Variants in ZDHHC2 observed in about 807,000 individuals in gnomAD.
The protein encoded by ZDHHC2 is palmitoyltransferase ZDHHC2.
A neutral mutation model predicts 55.6 loss-of-function variants in ZDHHC2; 51 were observed. The ratio of observed to expected loss-of-function variants is 0.92; its 90% confidence interval spans 0.73 to 1.16. The LOEUF (loss-of-function observed/expected upper bound fraction) is 1.16, where lower values mean the gene tolerates loss of function less well. Ranked by LOEUF, ZDHHC2 falls within the 50% of genes most tolerant of loss-of-function variation. The pLI, the probability that ZDHHC2 is intolerant of heterozygous loss-of-function variation, is 0.00. For synonymous variants in ZDHHC2, 199 were observed against 152.9 expected (o/e 1.30, Z -2.22); for missense variants, 491 against 442.4 (o/e 1.11, Z -0.99).
intron 1 of ZDHHC2, among the ~76,000 whole-genome samples, chr8:17,164,918 G>A (rs1343426227): frequency 6.6e-6 from 1 of 152,194 alleles, no homozygotes; most frequent in Non-Finnish European, 1.5e-5. Context: ...ATGGAGTAAG[G>A]TGACTTAAAA....
At chr8:17,172,520 G>A (rs537760518) in intron 1 of ZDHHC2, among the ~76,000 whole-genome samples, 1 of 152,124 alleles carries the variant, frequency 6.6e-6, no homozygotes, top group South Asian at 2.1e-4. Flanking sequence ...CTACATCCAC[G>A]TGCCTATACT....
intron 1 of ZDHHC2, among the ~76,000 whole-genome samples, chr8:17,174,845 G>A (rs921368564): frequency 2.6e-5 from 4 of 151,414 alleles, no homozygotes; most frequent in African/African-American, 7.3e-5. Flanking sequence ...TGACTAGCTG[G>A]CATCACAGGT....
At chr8:17,157,973 CATA>C (rs1265172930) in intron 1 of ZDHHC2, among the ~76,000 whole-genome samples, 5 of 152,206 alleles carry the variant, frequency 3.3e-5, no homozygotes, top group South Asian at 2.1e-4. Flanking sequence ...GAGAAAGTGT[CATA>C]ATAATACATC....
chr8:17,213,322 C>T (rs1052198530), intron 10 of ZDHHC2, among the ~76,000 whole-genome samples: 2 of 151,654 alleles, frequency 1.3e-5, no homozygotes, highest in South Asian at 2.1e-4. Context: ...GACGCAGTCT[C>T]GGCTCACTGC....
chr8:17,178,330 A>C (rs528784350), intron 1 of ZDHHC2, among the ~76,000 whole-genome samples: 2 of 152,320 alleles, frequency 1.3e-5, no homozygotes, highest in Admixed American at 1.3e-4. Flanking sequence ...GGTTGAATTT[A>C]AATCATTCTA....
intron 1 of ZDHHC2, among the ~76,000 whole-genome samples, chr8:17,176,372 T>C (rs775854308): frequency 6.6e-6 from 1 of 152,198 alleles, no homozygotes. Flanking sequence ...AAGCTACTTA[T>C]CTGTCCTTGA....
intron 3 of ZDHHC2, among the ~76,000 whole-genome samples, chr8:17,195,203 T>C (rs1179342357): frequency 6.6e-6 from 1 of 152,188 alleles, no homozygotes; most frequent in African/African-American, 2.4e-5. Flanking sequence ...AACTCATATT[T>C]TGTTGGAACT....
chr8:17,197,722 A>G (rs182638057), intron 5 of ZDHHC2, 71 bp downstream of exon 5: 3 of 1,454,838 alleles, frequency 2.1e-6, no homozygotes, highest in East Asian at 2.3e-5. Context: ...TTCTTTTCTC[A>G]CTGTTTTCCT....
At chr8:17,187,973 C>G (rs908492528) in intron 3 of ZDHHC2, among the ~76,000 whole-genome samples, 1 of 152,218 alleles carries the variant, frequency 6.6e-6, no homozygotes, top group Non-Finnish European at 1.5e-5. Context: ...TATCACTGCT[C>G]TAATTCTGGG....
chr8:17,191,927 A>G (rs1272597362), intron 3 of ZDHHC2, among the ~76,000 whole-genome samples: 4 of 152,266 alleles, frequency 2.6e-5, no homozygotes, highest in East Asian at 1.9e-4. Flanking sequence ...CACCAACAGT[A>G]TACAAGGGTT....
chr8:17,202,406 A>G (rs1435204266), intron 6 of ZDHHC2, among the ~76,000 whole-genome samples: 1 of 152,086 alleles, frequency 6.6e-6, no homozygotes, highest in Non-Finnish European at 1.5e-5. Flanking sequence ...TTTTTACTTC[A>G]AAGGCCACAC....
At position 17,218,680 on chromosome 8, in the gene ZDHHC2, C is replaced by T. The variant is rs76856681; in HGVS notation, c.*34+1434C>T. The stretch of plus-strand genomic sequence containing the variant: ...TGACAGAAACTTGATTTTATTAATT[C>T]AAATATGGCATGATTAGGCATAATC... On this transcript the variant is annotated intron_variant, in intron 12 of 12. Coordinates refer to ENST00000262096, the MANE Select transcript of ZDHHC2 (RefSeq NM_016353.5). Among the ~76,000 whole-genome samples the T allele has an allele frequency of 1.2e-4, 18 of 152,144 alleles. No individual in the cohort carries two copies. In the East Asian group the frequency reaches 2.9e-3, roughly 25 times the overall value.
chr8:17,173,901 T>A (rs1804991711), intron 1 of ZDHHC2, among the ~76,000 whole-genome samples: 1 of 152,004 alleles, frequency 6.6e-6, no homozygotes, highest in Admixed American at 6.6e-5. Context: ...TAAAACGAAG[T>A]CACCAGAGTA....
At chr8:17,215,857 G>T (rs1254917628) in intron 11 of ZDHHC2, among the ~76,000 whole-genome samples, 1 of 152,102 alleles carries the variant, frequency 6.6e-6, no homozygotes, top group African/African-American at 2.4e-5. Context: ...TCAATCTTTT[G>T]TTTTCTTCAG....
chr8:17,173,600 T>G (rs1472212756), intron 1 of ZDHHC2, among the ~76,000 whole-genome samples: 3 of 151,568 alleles, frequency 2.0e-5, no homozygotes, highest in Non-Finnish European at 4.4e-5. Flanking sequence ...GAAAGATTGA[T>G]TAAATCTGGG....
At chr8:17,198,842 A>T (rs1271504034) in intron 6 of ZDHHC2, among the ~76,000 whole-genome samples, 3 of 152,252 alleles carry the variant, frequency 2.0e-5, no homozygotes, top group African/African-American at 7.2e-5. Flanking sequence ...GGAGTAGAAT[A>T]CAACTACACA....
chr8:17,176,551 A>T (rs1563145712), intron 1 of ZDHHC2, among the ~76,000 whole-genome samples: 1 of 152,118 alleles, frequency 6.6e-6, no homozygotes. Flanking sequence ...TTTAAACAGT[A>T]AAATTAAAGC....
intron 1 of ZDHHC2, among the ~76,000 whole-genome samples, chr8:17,169,946 G>A (rs564205426): frequency 6.6e-6 from 1 of 152,180 alleles, no homozygotes; most frequent in African/African-American, 2.4e-5. Context: ...ATTACAATAT[G>A]TTGTGTCTTT....
intron 3 of ZDHHC2, among the ~76,000 whole-genome samples, chr8:17,191,599 A>C (rs1275496804): frequency 2.6e-5 from 4 of 152,200 alleles, no homozygotes; most frequent in Non-Finnish European, 2.9e-5. Context: ...ATTTTACTTA[A>C]CATAATGACC....
Sources: allele counts gnomAD v4.1 joint callset (sites outside exome capture counted in the v4.1 genomes callset), GRCh38; gene constraint gnomAD v4.1.1; transcripts MANE v1.5; gene names NCBI Gene and HGNC (gene_info 2026-07-23, HGNC 2026-07-21).